The following TMC2 variants were observed in gnomAD, a reference collection of about 807,000 sequenced individuals.
The protein encoded by TMC2 is transmembrane channel like 2, also known as transmembrane channel-like protein 2.
Under a neutral mutation model 105.9 loss-of-function variants are expected in TMC2, and 102 were observed. The ratio of observed to expected loss-of-function variants is 0.96; its 90% CI spans 0.82 to 1.14. The LOEUF (loss-of-function observed/expected upper bound fraction) is 1.14. Ranked by LOEUF, TMC2 falls within the 50% of genes most tolerant of loss-of-function variation. TMC2 has a pLI of 0.00. For missense variants in TMC2, 1,093 were observed against 1,134.3 expected (o/e 0.96, Z 0.52); for synonymous variants, 402 against 422.8 (o/e 0.95, Z 0.60).
chr20:2,608,703 A>T (rs1418308068), intron 11 of TMC2, among the ~76,000 whole-genome samples: 1 of 152,184 alleles, frequency 6.6e-6, no homozygotes, highest in Non-Finnish European at 1.5e-5. Context: ...TGTTCTACTG[A>T]GATGCCTTCT....
chr20:2,580,103 AC>A, intron 7 of TMC2, 47 bp downstream of exon 7: 1 of 1,186,398 alleles, frequency 8.4e-7, no homozygotes, highest in South Asian at 1.3e-5. Context: ...AAGGCTTATG[AC>A]CACCGTCATC....
intron 2 of TMC2, among the ~76,000 whole-genome samples, chr20:2,553,269 C>CCTCTATTT (rs112193018): frequency 0.2 from 30,540 of 151,708 alleles, 3,420 homozygotes; most frequent in African/African-American, 0.3. Context: ...GGAATTATCC[C>CCTCTATTT]CTAGTTTGCT....
intron 18 of TMC2, 69 bp from the exon 19 acceptor site, chr20:2,637,405 C>T: frequency 2.4e-6 from 2 of 820,340 alleles, no homozygotes; most frequent in Admixed American, 2.7e-5. Flanking sequence ...AAAAAAATCA[C>T]TCTCAACACC....
chr20:2,604,315 A>T (rs1396202248), intron 11 of TMC2, among the ~76,000 whole-genome samples: 1 of 152,240 alleles, frequency 6.6e-6, no homozygotes, highest in African/African-American at 2.4e-5. Context: ...TTCAGGAAAT[A>T]CCAGGCAGCA....
At chr20:2,631,320 C>A (rs181906444) in intron 17 of TMC2, among the ~76,000 whole-genome samples, 50 of 152,340 alleles carry the variant, frequency 3.3e-4, no homozygotes, top group African/African-American at 1.2e-3. Flanking sequence ...TACATTGATA[C>A]TAGCTTTCAT....
chr20:2,592,330 T>C lies in TMC2; in HGVS notation c.855T>C (p.Tyr285=). ...IIPEVLMGMP[Y]GSIPRKTVPR... is the part of the protein sequence containing the mutation. ...ACAAGGTACTGATGGGCATGCCCTA[T>C]GGGAGTATTCCCAGAAAGACAGTGC... is the stretch of plus-strand genomic sequence containing the variant. The change falls in exon 8 of 20, where the codon TAT becomes TAC. Residue 285 remains tyrosine, a synonymous_variant. Coordinates refer to ENST00000358864, the MANE Select transcript of TMC2 (RefSeq NM_080751.3). This position sits in a 1 kb window ranked among gnomAD's most constrained non-coding sequence, Gnocchi z 4.9. 1 of 1,613,686 alleles carries C rather than the reference T, an allele frequency of 6.2e-7. No homozygotes were observed. The highest frequency in any genetic ancestry group is 2.2e-5 in the East Asian group (1 of 44,884).
intron 7 of TMC2, among the ~76,000 whole-genome samples, chr20:2,584,342 G>A (rs1395652167): frequency 1.9e-4 from 27 of 142,810 alleles, no homozygotes; most frequent in Non-Finnish European, 3.6e-4. Flanking sequence ...TACTTGGGAG[G>A]CTGAGGCAGG....
At chr20:2,634,003 G>C (rs2086623778) in intron 17 of TMC2, among the ~76,000 whole-genome samples, 1 of 152,218 alleles carries the variant, frequency 6.6e-6, no homozygotes. Flanking sequence ...AGCCTTGGAT[G>C]GGCTTAAAGA....
intron 2 of TMC2, among the ~76,000 whole-genome samples, chr20:2,549,513 C>T (rs533881134): frequency 5.3e-5 from 8 of 152,208 alleles, no homozygotes; most frequent in Non-Finnish European, 7.4e-5. Flanking sequence ...GAGGCCAAGG[C>T]GGGCGGATCA....
chr20:2,592,401 A>G lies in TMC2; in HGVS notation c.926A>G (p.Asp309Gly). 2 of 1,610,654 alleles carry G rather than the reference A, an allele frequency of 1.2e-6. No homozygotes were observed. The highest frequency in any genetic ancestry group is 8.5e-7 in the Non-Finnish European group (1 of 1,176,886). Reference protein sequence around the residue: ...EKAMDFSVLWDFEGYIKYSAL... With the variant: ...EKAMDFSVLWGFEGYIKYSAL... ...GCCATGGATTTTTCTGTCCTTTGGG[A>G]TTTTGAGGTACTATTGTCAACATGC... Residue 309 changes from aspartate (D) to glycine (G), a missense_variant, in exon 8 of 20, where the codon GAT becomes GGT. Transcript: ENST00000358864. The surrounding 1 kb of genome is among the most constrained non-coding windows in gnomAD (Gnocchi z 4.9).
Position 2,613,276 on chromosome 20 carries a change from T to G in TMC2, c.1826T>G (p.Val609Gly). The G allele has an allele frequency of 6.2e-7, 1 of 1,614,118 alleles. No homozygotes were observed. The highest frequency in any genetic ancestry group is 1.1e-5 in the South Asian group (1 of 91,078). Residue 609 changes from valine to glycine, a missense_variant, in exon 14 of 20, where the codon GTG becomes GGG. By Grantham distance (109) the Val-to-Gly change is moderately radical. Transcript: ENST00000358864. Reference sequence around the variant, plus strand: ...GGGGACTTCCTACGGGCTTGTTTTGTGCGGTTCATGAACTACTGCTGGTGC... The same window carrying G: ...GGGGACTTCCTACGGGCTTGTTTTGGGCGGTTCATGAACTACTGCTGGTGC... ...LLGDFLRACFVRFMNYCWCWD... is the reference protein window; with the variant it reads ...LLGDFLRACFGRFMNYCWCWD...
chr20:2,578,556 C>T (rs574252251), intron 5 of TMC2, among the ~76,000 whole-genome samples: 1 of 152,290 alleles, frequency 6.6e-6, no homozygotes, highest in Admixed American at 6.5e-5. Flanking sequence ...GTCTGGGTGT[C>T]TAGCTGGGAA....
chr20:2,571,110 T>A (rs1268004635), intron 4 of TMC2, among the ~76,000 whole-genome samples: 1 of 152,036 alleles, frequency 6.6e-6, no homozygotes, highest in Non-Finnish European at 1.5e-5. Flanking sequence ...TACGACTAAG[T>A]CCTCAATAGC....
rs1367000939 is a variant in TMC2 at position 2,637,556 on chromosome 20, C to T, written c.2468C>T (p.Ser823Phe). 1.1e-5 allele frequency: 18 copies of T among 1,613,732 alleles called. No homozygotes were observed. The highest frequency in any genetic ancestry group is 1.4e-5 in the Non-Finnish European group (17 of 1,179,898). Reference sequence around the variant, plus strand: ...TCAGAGGACACACCTAAAAGCAGCTCCAAAAATGCCACCCAGCTCCAACTC... The same window carrying T: ...TCAGAGGACACACCTAAAAGCAGCTTCAAAAATGCCACCCAGCTCCAACTC... ...RDSEDTPKSS[S>F]KNATQLQLTK... Residue 823 changes from serine (S) to phenylalanine (F), a missense_variant, in exon 19 of 20, where the codon TCC becomes TTC. Transcript: ENST00000358864.
intron 7 of TMC2, among the ~76,000 whole-genome samples, chr20:2,589,101 A>G (rs185915656): frequency 2.0e-3 from 299 of 152,240 alleles, no homozygotes; most frequent in African/African-American, 5.4e-3. Context: ...TTTTTAGTCA[A>G]GCTGAGTGCT....
chr20:2,602,598 C>T (rs1053781306), intron 11 of TMC2, among the ~76,000 whole-genome samples: 2 of 152,194 alleles, frequency 1.3e-5, no homozygotes, highest in African/African-American at 4.8e-5. Context: ...CGCCATACAT[C>T]GTAAATCAAG....
In TMC2 at chr20:2,561,980, G is replaced by A; in HGVS notation, c.524G>A (p.Trp175Ter). 1 of 1,614,180 alleles carries A rather than the reference G, an allele frequency of 6.2e-7. No homozygotes were observed. Among genetic ancestry groups the A allele is most frequent in the East Asian group, 2.2e-5 (1 of 44,888 alleles). Reference sequence around the variant, plus strand: ...ATTGCCACCATGCGGAGCAAGCCCTGGCCCATGGCGAAGAAGCTGACAGAG... The same window carrying A: ...ATTGCCACCATGCGGAGCAAGCCCTAGCCCATGGCGAAGAAGCTGACAGAG... ...KLIATMRSKP[W>*]PMAKKLTELR... is the part of the protein sequence containing the mutation. Residue 175 changes from tryptophan to a stop codon, truncating the protein, a stop_gained, in exon 4 of 20, where the codon TGG (tryptophan) becomes TAG (stop). Transcript: ENST00000358864. LOFTEE classifies it high-confidence loss of function.
At chr20:2,637,257 C>T (rs1387746245) in intron 18 of TMC2, among the ~76,000 whole-genome samples, 1 of 151,824 alleles carries the variant, frequency 6.6e-6, no homozygotes, top group East Asian at 2.0e-4. Context: ...TGTGGTGGCA[C>T]ACACCTGTAA....
At chr20:2,538,326 C>A (rs2085865390) in intron 2 of TMC2, among the ~76,000 whole-genome samples, 1 of 152,178 alleles carries the variant, frequency 6.6e-6, no homozygotes, top group Non-Finnish European at 1.5e-5. Flanking sequence ...CCGGAACTTG[C>A]CTCAGCCACT....
Sources: gnomAD v4.1 joint callset for allele counts (sites outside exome capture counted in the v4.1 genomes callset) on GRCh38, gnomAD v4.1.1 for gene constraint, Gnocchi (gnomAD v3.1) non-coding constraint, MANE v1.5 for transcripts, NCBI Gene and HGNC (gene_info 2026-07-23, HGNC 2026-07-21) for gene names.